Variants in SLC24A2 observed in about 807,000 individuals in gnomAD.
The protein encoded by SLC24A2 is sodium/potassium/calcium exchanger 2.
In SLC24A2, 36 loss-of-function variants were observed where a neutral mutation model predicts 62.0. The ratio of observed to expected loss-of-function variants is 0.58; its 90% CI spans 0.44 to 0.77. The LOEUF (loss-of-function observed/expected upper bound fraction) is 0.77. Among genes scored for constraint, SLC24A2 ranks in the 30% least tolerant of loss-of-function variants. The pLI is 0.00. For synonymous variants in SLC24A2, 358 were observed against 294.0 expected (o/e 1.22, Z -2.23); for missense variants, 846 against 817.9 (o/e 1.03, Z -0.42).
intron 2 of SLC24A2, among the ~76,000 whole-genome samples, chr9:19,729,347 A>T (rs1400868175): frequency 6.6e-6 from 1 of 152,232 alleles, no homozygotes. Context: ...CCACTGTATG[A>T]TCCAGCAATC....
chr9:19,856,491 G>A, the SLC24A2 span, among the ~76,000 whole-genome samples: 19 of 152,074 alleles, frequency 1.2e-4, no homozygotes, highest in African/African-American at 2.7e-4. Context: ...TTTTGTTTAT[G>A]TTGTTGTTGT....
At chr9:19,683,471 T>C (rs957866731) in intron 2 of SLC24A2, among the ~76,000 whole-genome samples, 1 of 151,850 alleles carries the variant, frequency 6.6e-6, no homozygotes, top group East Asian at 1.9e-4. Context: ...TGACCACACC[T>C]AGCCATTGTG....
chr9:20,261,583 G>A, the SLC24A2 span, among the ~76,000 whole-genome samples: 2 of 152,084 alleles, frequency 1.3e-5, no homozygotes, highest in African/African-American at 4.8e-5. Flanking sequence ...CTGCTGAATT[G>A]GGGATTAAGT....
chr9:20,096,085 A>ATCCATCCG, the SLC24A2 span, among the ~76,000 whole-genome samples: 6 of 140,368 alleles, frequency 4.3e-5, no homozygotes, highest in East Asian at 2.0e-4. Flanking sequence ...CCATCCATCC[A>ATCCATCCG]TCCGTCCGTC....
chr9:19,558,020 G>A (rs1835184246), intron 7 of SLC24A2, among the ~76,000 whole-genome samples: 1 of 152,054 alleles, frequency 6.6e-6, no homozygotes, highest in Non-Finnish European at 1.5e-5. Context: ...ATTTCACTTA[G>A]TTGCCCAGGC....
chr9:20,285,599 C>A, the SLC24A2 span, among the ~76,000 whole-genome samples: 2 of 152,196 alleles, frequency 1.3e-5, no homozygotes, highest in African/African-American at 4.8e-5. Context: ...TCAGAGAGGG[C>A]AAGCTGCTTT....
At chr9:19,746,538 A>G (rs889277610) in intron 2 of SLC24A2, among the ~76,000 whole-genome samples, 27 of 152,174 alleles carry the variant, frequency 1.8e-4, no homozygotes, top group African/African-American at 6.5e-4. Context: ...AATAAAATTG[A>G]TACTTCTATA....
chr9:19,762,873 G>C (rs1190786258), intron 2 of SLC24A2, among the ~76,000 whole-genome samples: 1 of 146,588 alleles, frequency 6.8e-6, no homozygotes, highest in Non-Finnish European at 1.5e-5. Context: ...ATGGTAGCTT[G>C]ATGGGAATAG....
the SLC24A2 span, among the ~76,000 whole-genome samples, chr9:20,248,867 A>C: frequency 1.3e-5 from 2 of 152,200 alleles, no homozygotes; most frequent in Non-Finnish European, 2.9e-5. Flanking sequence ...CTTAAGGACA[A>C]TAAGAGAGTC....
At chr9:19,536,013 T>G (rs1483047685) in intron 8 of SLC24A2, among the ~76,000 whole-genome samples, 1 of 152,074 alleles carries the variant, frequency 6.6e-6, no homozygotes, top group Non-Finnish European at 1.5e-5. Flanking sequence ...CTCTCTTATT[T>G]CCTTGAGCAG....
the SLC24A2 span, among the ~76,000 whole-genome samples, chr9:19,992,428 T>C: frequency 1.3e-5 from 2 of 152,208 alleles, no homozygotes; most frequent in African/African-American, 2.4e-5. Flanking sequence ...GAAAATGCAA[T>C]GTGGATGAGA....
chr9:20,037,931 A>G, the SLC24A2 span, among the ~76,000 whole-genome samples: 3 of 152,244 alleles, frequency 2.0e-5, no homozygotes, highest in African/African-American at 7.2e-5. Context: ...CAAAAGCAAT[A>G]TCAAAAAATT....
intron 2 of SLC24A2, among the ~76,000 whole-genome samples, chr9:19,731,128 T>G (rs2118708116): frequency 6.6e-6 from 1 of 152,330 alleles, no homozygotes; most frequent in South Asian, 2.1e-4. Context: ...CTCATTTATA[T>G]ATTGTCTCGA....
chr9:20,237,226 A>G, the SLC24A2 span, among the ~76,000 whole-genome samples: 2 of 152,198 alleles, frequency 1.3e-5, no homozygotes, highest in Non-Finnish European at 2.9e-5. Context: ...GCATACTTCT[A>G]TATGTATCAT....
chr9:19,601,329 A>T (rs774335930), intron 4 of SLC24A2, among the ~76,000 whole-genome samples: 2 of 152,196 alleles, frequency 1.3e-5, no homozygotes, highest in Non-Finnish European at 2.9e-5. Context: ...ATAGGACAGA[A>T]ATCGAACATG....
chr9:19,530,340 G>A (rs991006529), intron 8 of SLC24A2, among the ~76,000 whole-genome samples: 1 of 152,120 alleles, frequency 6.6e-6, no homozygotes, highest in African/African-American at 2.4e-5. Context: ...ACCAATGGTT[G>A]ATTCTGGGCA....
At chr9:20,293,893 A>T in the SLC24A2 span, among the ~76,000 whole-genome samples, 5 of 152,110 alleles carry the variant, frequency 3.3e-5, no homozygotes. Flanking sequence ...TCACATAGTA[A>T]GCCAACCAAG....
the SLC24A2 span, among the ~76,000 whole-genome samples, chr9:19,966,366 T>G: frequency 1.3e-5 from 2 of 152,180 alleles, no homozygotes; most frequent in African/African-American, 4.8e-5. Flanking sequence ...GTGTAAAACT[T>G]AACTCATTTT....
rs1375432188 is a variant in SLC24A2, at chr9:19,786,527, C to G, written c.340G>C (p.Asp114His). The change falls in exon 2 of 11, where the codon GAT becomes CAT. Residue 114 changes from aspartate (D) to histidine (H), a missense_variant. Asp to His is a moderately conservative substitution (Grantham distance 81, BLOSUM62 -1). Coordinates refer to ENST00000341998, the MANE Select transcript of SLC24A2 (RefSeq NM_020344.4). This position sits in a 1 kb window ranked among gnomAD's most constrained non-coding sequence, Gnocchi z 5.0. ...SKEGESENST[D>H]HAQGDYPKDI... ...TTCGGGTAGTCTCCTTGGGCGTGATCTGTACTATTCTCAGACTCGCCTTCC... is the reference window on the plus strand; with the variant it reads ...TTCGGGTAGTCTCCTTGGGCGTGATGTGTACTATTCTCAGACTCGCCTTCC... 5.6e-6 allele frequency: 9 copies of G among 1,614,220 alleles called. No individual in the cohort carries two copies. The highest frequency in any genetic ancestry group is 7.6e-6 in the Non-Finnish European group (9 of 1,180,042).
Sources: gnomAD v4.1 joint callset for allele counts (sites outside exome capture counted in the v4.1 genomes callset) on GRCh38, gnomAD v4.1.1 for gene constraint, Gnocchi (gnomAD v3.1) non-coding constraint, MANE v1.5 for transcripts, NCBI Gene and HGNC (gene_info 2026-07-23, HGNC 2026-07-21) for gene names.